Variants in EPHA6 observed in about 807,000 individuals in gnomAD.
EPHA6 encodes the protein EPH receptor A6, also known as ephrin type-A receptor 6.
A neutral mutation model predicts 112.0 loss-of-function variants in EPHA6; 50 were observed. That is an observed-to-expected ratio of 0.45 (90% CI 0.36 to 0.56). EPHA6 has a LOEUF of 0.56. EPHA6 is among the 20% of genes least tolerant of loss of function. EPHA6 has a pLI of 0.00. For missense variants in EPHA6, 1,280 were observed against 1,417.4 expected (o/e 0.90, Z 1.56); for synonymous variants, 529 against 490.7 (o/e 1.08, Z -1.03).
intron 5 of EPHA6, among the ~76,000 whole-genome samples, chr3:97,332,053 T>A (rs2082827059): frequency 6.6e-6 from 1 of 152,154 alleles, no homozygotes; most frequent in African/African-American, 2.4e-5. Context: ...AAAAAGCTTA[T>A]CCACCATGAT....
chr3:97,376,469 TAC>T (rs2085365214), intron 5 of EPHA6, among the ~76,000 whole-genome samples: 1 of 152,190 alleles, frequency 6.6e-6, no homozygotes, highest in Admixed American at 6.5e-5. Context: ...TGCACAGGAA[TAC>T]AGTCTATTAG....
Position 96,998,678 on chromosome 3 carries a change from A to G in EPHA6, c.1114+10685A>G, listed in dbSNP as rs1311010308. On this transcript the variant is annotated intron_variant, in intron 3 of 17. Coordinates refer to ENST00000389672, the MANE Select transcript of EPHA6 (RefSeq NM_001080448.3). ...GGTTCTGTATTTTTGGTTTTTAGTTATATCTGATGTGTCTGGGTGTGGATT... is the reference window on the plus strand; with the variant it reads ...GGTTCTGTATTTTTGGTTTTTAGTTGTATCTGATGTGTCTGGGTGTGGATT... Among the ~76,000 whole-genome samples, 18 of 151,748 alleles carry G rather than the reference A, an allele frequency of 1.2e-4. No homozygotes were observed. In the Admixed American group the frequency reaches 1.2e-3, roughly 10 times the overall value.
intron 7 of EPHA6, among the ~76,000 whole-genome samples, chr3:97,454,929 C>A (rs980850964): frequency 1.3e-5 from 2 of 151,892 alleles, no homozygotes; most frequent in Non-Finnish European, 2.9e-5. Context: ...ATTTATGAGT[C>A]TACCCAGAGG....
chr3:97,114,891 A>G (rs1396955073), intron 3 of EPHA6, among the ~76,000 whole-genome samples: 2 of 152,042 alleles, frequency 1.3e-5, no homozygotes, highest in East Asian at 3.9e-4. Flanking sequence ...TACTGTGAAC[A>G]GTGCTATTGG....
intron 5 of EPHA6, among the ~76,000 whole-genome samples, chr3:97,257,445 CTT>C (rs1292840948): frequency 6.6e-6 from 1 of 152,008 alleles, no homozygotes; most frequent in African/African-American, 2.4e-5. Flanking sequence ...AAACTTCACT[CTT>C]GCTGCAAATC....
rs537366700 is a variant in EPHA6, at chr3:97,116,387, G to A, written c.1115-109877G>A. ...AAAGAATACTTAAGATCTACTCTAA[G>A]CAATTTTCAGGTATACAATACAGTA... is the stretch of plus-strand genomic sequence containing the variant. On this transcript the variant is annotated intron_variant, in intron 3 of 17. Transcript: ENST00000389672. Among the ~76,000 whole-genome samples the A allele has an allele frequency of 2.0e-5, 3 of 151,624 alleles. No individual in the cohort carries two copies. In the South Asian group the frequency reaches 6.2e-4, roughly 31 times the overall value.
chr3:97,294,211 G>C (rs1471559738), intron 5 of EPHA6, among the ~76,000 whole-genome samples: 1 of 152,184 alleles, frequency 6.6e-6, no homozygotes, highest in African/African-American at 2.4e-5. Context: ...AGTGGGCAGG[G>C]CTCCCACCTT....
chr3:97,012,607 G>GTGTA (rs368002096), intron 3 of EPHA6, among the ~76,000 whole-genome samples: 5,625 of 131,972 alleles, frequency 0.043, 139 homozygotes, highest in Middle Eastern at 0.08. Context: ...GTGTGTGTGT[G>GTGTA]TATATATATA....
At chr3:97,231,062 T>G (rs1041644811) in intron 4 of EPHA6, among the ~76,000 whole-genome samples, 1 of 152,178 alleles carries the variant, frequency 6.6e-6, no homozygotes, top group Non-Finnish European at 1.5e-5. Flanking sequence ...ATAATCCTTA[T>G]GCCAAAGAGG....
intron 14 of EPHA6, among the ~76,000 whole-genome samples, chr3:97,712,225 C>T (rs900807705): frequency 6.6e-6 from 1 of 152,082 alleles, no homozygotes; most frequent in Non-Finnish European, 1.5e-5. Flanking sequence ...CTTTAAAAAT[C>T]ATTATTTAAA....
chr3:97,265,460 C>T (rs529113541), intron 5 of EPHA6, among the ~76,000 whole-genome samples: 1 of 152,296 alleles, frequency 6.6e-6, no homozygotes, highest in Admixed American at 6.5e-5. Flanking sequence ...AGCACTGCCC[C>T]AAGCAGGCAC....
In EPHA6 at chr3:97,303,017, A is replaced by C. The variant is rs561778303; in HGVS notation, c.1606+58730A>C. The stretch of plus-strand genomic sequence containing the variant: ...GTTGAGGTAAATGGAATATTCACTC[A>C]AGTAATGAAACCAAGGAATGAAGAG... On this transcript the variant is annotated intron_variant, in intron 5 of 17. Transcript: ENST00000389672. 2.0e-5 allele frequency among the ~76,000 whole-genome samples: 3 copies of C among 152,070 alleles called. No homozygotes were observed. The South Asian group carries it at 6.2e-4, about 31-fold the overall frequency.
At chr3:97,489,244 T>C (rs2091774156) in intron 10 of EPHA6, among the ~76,000 whole-genome samples, 1 of 152,264 alleles carries the variant, frequency 6.6e-6, no homozygotes, top group Admixed American at 6.5e-5. Flanking sequence ...TATCTGCCCA[T>C]GCAGAATTCA....
intron 11 of EPHA6, among the ~76,000 whole-genome samples, chr3:97,532,790 T>C: frequency 6.6e-6 from 1 of 151,884 alleles, no homozygotes; most frequent in Non-Finnish European, 1.5e-5. Context: ...GAATCAAGAG[T>C]AAAGGGTTAT....
At chr3:96,981,798 A>C (rs1266195479) in intron 2 of EPHA6, among the ~76,000 whole-genome samples, 5 of 151,998 alleles carry the variant, frequency 3.3e-5, no homozygotes, top group Non-Finnish European at 1.5e-5. Context: ...TGTATGTGTC[A>C]AGAAATTTAT....
At chr3:96,923,237 A>G (rs1199466410) in intron 2 of EPHA6, among the ~76,000 whole-genome samples, 2 of 152,134 alleles carry the variant, frequency 1.3e-5, no homozygotes, top group Admixed American at 6.6e-5. Flanking sequence ...CAATGGTTGA[A>G]CTAATTTACA....
intron 3 of EPHA6, among the ~76,000 whole-genome samples, chr3:97,142,952 A>G (rs1356048864): frequency 6.6e-6 from 1 of 151,922 alleles, no homozygotes; most frequent in Non-Finnish European, 1.5e-5. Context: ...CACCACTCCT[A>G]TTCAACATAG....
intron 5 of EPHA6, among the ~76,000 whole-genome samples, chr3:97,299,321 T>A (rs1203621199): frequency 6.6e-6 from 1 of 152,004 alleles, no homozygotes; most frequent in Non-Finnish European, 1.5e-5. Flanking sequence ...TGAGAGCATA[T>A]TTCTTAATCA....
rs531834096 is a variant in EPHA6, at chr3:97,017,889, T to G, written c.1114+29896T>G. Among the ~76,000 whole-genome samples, 5 of 152,210 alleles carry G rather than the reference T, an allele frequency of 3.3e-5. No individual in the cohort carries two copies. The South Asian group carries it at 1.0e-3, about 32-fold the overall frequency. On this transcript the variant is annotated intron_variant, in intron 3 of 17. Coordinates refer to ENST00000389672, the MANE Select transcript of EPHA6 (RefSeq NM_001080448.3). ...TGAATAAACTTTCTATGCCTATCTTTTTCTCTACCTCTTCTTTAAGGCAAG... is the reference window on the plus strand; with the variant it reads ...TGAATAAACTTTCTATGCCTATCTTGTTCTCTACCTCTTCTTTAAGGCAAG...
Sources: gnomAD v4.1 joint callset for allele counts (sites outside exome capture counted in the v4.1 genomes callset) on GRCh38, gnomAD v4.1.1 for gene constraint, MANE v1.5 for transcripts, NCBI Gene and HGNC (gene_info 2026-07-23, HGNC 2026-07-21) for gene names.